Variants in TMTC2 observed in about 807,000 individuals in gnomAD.
TMTC2 encodes the protein protein O-mannosyl-transferase TMTC2.
Under a neutral mutation model 82.4 loss-of-function variants are expected in TMTC2, and 43 were observed. That is an observed-to-expected ratio of 0.52 (90% CI 0.41 to 0.67). The LOEUF is 0.67. Ranked by LOEUF, TMTC2 falls within the 30% of genes least tolerant of loss-of-function variation. The probability of loss-of-function intolerance (pLI) is 0.00; values close to 1 mark genes in which losing one functional copy is unlikely to be tolerated. For missense variants in TMTC2, 919 were observed against 1,012.4 expected, an observed-to-expected ratio of 0.91 and a Z score of 1.25; for synonymous variants, 408 against 381.9, an observed-to-expected ratio of 1.07 and a Z score of -0.80.
intron 11 of TMTC2, among the ~76,000 whole-genome samples, chr12:83,081,492 CAAATA>C (rs1356388366): frequency 6.6e-6 from 1 of 152,012 alleles, no homozygotes; most frequent in African/African-American, 2.4e-5. Flanking sequence ...TTTTTATTAC[CAAATA>C]AAATGAGAGA....
chr12:82,907,677 A>G (rs1874397676), intron 3 of TMTC2, among the ~76,000 whole-genome samples: 2 of 152,142 alleles, frequency 1.3e-5, no homozygotes, highest in African/African-American at 2.4e-5. Context: ...TAGAATCTTT[A>G]TGGGCTTTTG....
chr12:82,990,029 G>A lies in TMTC2; in HGVS notation c.2070+3983G>A, dbSNP rs529249650. 3.3e-5 allele frequency among the ~76,000 whole-genome samples: 5 copies of A among 152,096 alleles called. No homozygotes were observed. In the East Asian group the frequency reaches 9.7e-4, roughly 29 times the overall value. ...CTTTTGTCTAATTTGGGGTTTCTTG[G>A]CCTGGTAACAGCCCACTGGCTTAAC... On this transcript the variant is annotated intron_variant, in intron 8 of 11. Coordinates refer to ENST00000321196, the MANE Select transcript of TMTC2 (RefSeq NM_152588.3).
At chr12:83,064,394 G>A (rs1882848968) in intron 11 of TMTC2, among the ~76,000 whole-genome samples, 1 of 151,886 alleles carries the variant, frequency 6.6e-6, no homozygotes, top group South Asian at 2.1e-4. Flanking sequence ...GACTGCCTTT[G>A]AAAATATGTT....
chr12:82,770,507 T>C (rs749597678), intron 1 of TMTC2, among the ~76,000 whole-genome samples: 11 of 152,006 alleles, frequency 7.2e-5, no homozygotes, highest in Non-Finnish European at 7.4e-5. Context: ...TCAGAGCAAG[T>C]TAAATAGACT....
chr12:82,806,153 A>G (rs940871285), intron 1 of TMTC2, among the ~76,000 whole-genome samples: 3 of 152,120 alleles, frequency 2.0e-5, no homozygotes, highest in African/African-American at 7.2e-5. Flanking sequence ...GCGTTGAGTT[A>G]AACATTGTTA....
At chr12:82,959,839 G>A (rs1374165041) in intron 4 of TMTC2, among the ~76,000 whole-genome samples, 2 of 151,844 alleles carry the variant, frequency 1.3e-5, no homozygotes, top group African/African-American at 2.4e-5. Flanking sequence ...CCTAATTACA[G>A]TAAAGAGCTT....
chr12:82,948,920 G>A (rs1592650209), intron 4 of TMTC2, among the ~76,000 whole-genome samples: 1 of 151,654 alleles, frequency 6.6e-6, no homozygotes, highest in East Asian at 1.9e-4. Context: ...TTCTGGCTGT[G>A]GACTTCCATA....
intron 1 of TMTC2, among the ~76,000 whole-genome samples, chr12:82,707,268 G>A (rs1168461910): frequency 2.6e-5 from 4 of 151,920 alleles, no homozygotes; most frequent in African/African-American, 7.3e-5. Context: ...AATTCTCTGG[G>A]GCCTGTTTTC....
chr12:82,930,658 C>G (rs1875979992), intron 4 of TMTC2, 113 bp downstream of exon 4: 1 of 594,704 alleles, frequency 1.7e-6, no homozygotes, highest in Admixed American at 3.3e-5. Context: ...CTGAAATAGT[C>G]TTTTTGTTAA....
intron 7 of TMTC2, among the ~76,000 whole-genome samples, chr12:82,981,709 C>T (rs7296753): frequency 0.77 from 116,896 of 151,762 alleles, 46,142 homozygotes; most frequent in East Asian, 0.96. Flanking sequence ...ATGACTTAAC[C>T]TTTATCTCCT....
At chr12:83,104,653 C>A (rs923357808) in intron 11 of TMTC2, among the ~76,000 whole-genome samples, 4 of 152,168 alleles carry the variant, frequency 2.6e-5, no homozygotes, top group Non-Finnish European at 5.9e-5. Flanking sequence ...CTCTTGAACC[C>A]AGTCTTTCTT....
chr12:82,697,542 C>A (rs552084105), intron 1 of TMTC2, among the ~76,000 whole-genome samples: 10 of 152,190 alleles, frequency 6.6e-5, no homozygotes, highest in African/African-American at 1.9e-4. Flanking sequence ...TGACTTTAGA[C>A]AGTTTATTTA....
chr12:82,726,678 A>C (rs1029361202), intron 1 of TMTC2, among the ~76,000 whole-genome samples: 3 of 152,142 alleles, frequency 2.0e-5, no homozygotes, highest in Non-Finnish European at 4.4e-5. Context: ...CAAGAGATAG[A>C]GACCATCCTG....
intron 11 of TMTC2, among the ~76,000 whole-genome samples, chr12:83,100,751 A>G (rs761938154): frequency 3.3e-5 from 5 of 152,138 alleles, no homozygotes; most frequent in African/African-American, 4.8e-5. Flanking sequence ...TCTCTGTTTT[A>G]CTTATCTGAG....
chr12:82,801,757 A>G (rs905887123), intron 1 of TMTC2, among the ~76,000 whole-genome samples: 25 of 152,118 alleles, frequency 1.6e-4, no homozygotes, highest in Non-Finnish European at 3.2e-4. Flanking sequence ...ACAATCCCTT[A>G]GCTAGACATA....
At chr12:82,877,839 A>G (rs144693848) in intron 2 of TMTC2, among the ~76,000 whole-genome samples, 1,673 of 152,342 alleles carry the variant, frequency 0.011, 29 homozygotes, top group African/African-American at 0.038. Flanking sequence ...CCAGTAGAAG[A>G]AAAAACAAAA....
chr12:82,943,953 T>C (rs968265787), intron 4 of TMTC2, among the ~76,000 whole-genome samples: 1 of 152,094 alleles, frequency 6.6e-6, no homozygotes, highest in African/African-American at 2.4e-5. Context: ...TGACAAGGTA[T>C]ACAAAGAAAT....
chr12:83,079,398 T>G (rs534535700), intron 11 of TMTC2, among the ~76,000 whole-genome samples: 25 of 152,316 alleles, frequency 1.6e-4, no homozygotes, highest in South Asian at 8.3e-4. Context: ...AGACAAATTA[T>G]TTCTTTTAAA....
chr12:82,955,639 T>C (rs993939374), intron 4 of TMTC2, among the ~76,000 whole-genome samples: 2 of 152,198 alleles, frequency 1.3e-5, no homozygotes, highest in African/African-American at 4.8e-5. Context: ...TTTTCTTTTT[T>C]TAGTAACATG....
Sources: allele counts gnomAD v4.1 joint callset (sites outside exome capture counted in the v4.1 genomes callset), GRCh38; gene constraint gnomAD v4.1.1; transcripts MANE v1.5; gene names NCBI Gene and HGNC (gene_info 2026-07-23, HGNC 2026-07-21).